The following SNX24 variants were observed in gnomAD, a reference collection of about 807,000 sequenced individuals.
SNX24 encodes sorting nexin-24.
In SNX24, 22 loss-of-function variants were observed where a neutral mutation model predicts 28.7. That is an observed-to-expected ratio of 0.77 (90% confidence interval 0.55 to 1.10). The LOEUF (loss-of-function observed/expected upper bound fraction) is 1.10, where lower values mean the gene tolerates loss of function less well. Among genes scored for constraint, SNX24 ranks in the 50% least tolerant of loss-of-function variants. The pLI, the probability that SNX24 is intolerant of heterozygous loss-of-function variation, is 0.00. For synonymous variants in SNX24, 69 were observed against 71.5 expected, an observed-to-expected ratio of 0.96 and a Z score of 0.18; for missense variants, 221 against 201.1, an observed-to-expected ratio of 1.10 and a Z score of -0.60.
At chr5:122,915,464 A>G (rs1267383728) in intron 1 of SNX24, among the ~76,000 whole-genome samples, 1 of 152,022 alleles carries the variant, frequency 6.6e-6, no homozygotes, top group Non-Finnish European at 1.5e-5. Context: ...CATCTCTACA[A>G]AAGAGCAAAT....
At chr5:122,959,671 G>GTT (rs1185949626) in intron 3 of SNX24, among the ~76,000 whole-genome samples, 4 of 148,484 alleles carry the variant, frequency 2.7e-5, no homozygotes, top group Admixed American at 6.7e-5. Flanking sequence ...TTGTTTTTGG[G>GTT]TTTTTTTTTT....
intron 1 of SNX24, among the ~76,000 whole-genome samples, chr5:122,901,170 C>T (rs1368430210): frequency 2.0e-5 from 3 of 146,474 alleles, no homozygotes; most frequent in African/African-American, 7.6e-5. Context: ...TATTGCACTC[C>T]AGCCTGGGTG....
At chr5:122,975,524 G>A (rs554518650) in intron 3 of SNX24, among the ~76,000 whole-genome samples, 144 of 151,810 alleles carry the variant, frequency 9.5e-4, no homozygotes, top group African/African-American at 3.4e-3. Context: ...GAAATTAAGC[G>A]GCATAAAAAT....
chr5:122,977,265 G>T (rs1761202250), intron 3 of SNX24, among the ~76,000 whole-genome samples: 1 of 152,096 alleles, frequency 6.6e-6, no homozygotes, highest in South Asian at 2.1e-4. Context: ...CATCGGAACA[G>T]GGGACCCATA....
chr5:122,960,891 G>A (rs1435852017), intron 3 of SNX24, among the ~76,000 whole-genome samples: 2 of 152,286 alleles, frequency 1.3e-5, no homozygotes, highest in African/African-American at 4.8e-5. Context: ...GTTTAGAACA[G>A]TATCTAATTA....
chr5:123,003,526 C>G (rs1168117191), intron 6 of SNX24, among the ~76,000 whole-genome samples: 2 of 152,092 alleles, frequency 1.3e-5, no homozygotes, highest in African/African-American at 4.8e-5. Context: ...ATTGTTTATG[C>G]TCAGATATGT....
chr5:122,974,318 G>A (rs899174928), intron 3 of SNX24, among the ~76,000 whole-genome samples: 2 of 152,182 alleles, frequency 1.3e-5, no homozygotes, highest in Non-Finnish European at 2.9e-5. Flanking sequence ...ATAGGATCCA[G>A]TCAGCATAAT....
intron 1 of SNX24, among the ~76,000 whole-genome samples, chr5:122,910,644 G>C (rs1270844376): frequency 9.1e-6 from 1 of 110,382 alleles, no homozygotes; most frequent in Admixed American, 1.4e-4. Flanking sequence ...ACAGTCCCCA[G>C]AGTGTGATGT....
At chr5:122,921,326 G>A (rs1355207865) in intron 1 of SNX24, among the ~76,000 whole-genome samples, 1 of 152,174 alleles carries the variant, frequency 6.6e-6, no homozygotes, top group African/African-American at 2.4e-5. Flanking sequence ...CAAAGCCACG[G>A]TGAGGGATAG....
intron 1 of SNX24, among the ~76,000 whole-genome samples, chr5:122,925,898 C>T (rs957506937): frequency 5.9e-5 from 9 of 152,092 alleles, no homozygotes; most frequent in East Asian, 1.9e-4. Context: ...TGAACAAAAC[C>T]GATGAAGTTC....
chr5:122,949,298 A>G (rs941625848), intron 3 of SNX24, among the ~76,000 whole-genome samples: 3 of 152,196 alleles, frequency 2.0e-5, no homozygotes, highest in Non-Finnish European at 2.9e-5. Context: ...TAAACATATC[A>G]TATTAGTCTT....
At chr5:122,865,978 CAT>C (rs1755701834) in intron 1 of SNX24, among the ~76,000 whole-genome samples, 2 of 151,986 alleles carry the variant, frequency 1.3e-5, no homozygotes, top group African/African-American at 2.4e-5. Context: ...AATATTATGA[CAT>C]AAAGTCAATA....
At chr5:122,954,643 T>C (rs1312543365) in intron 3 of SNX24, among the ~76,000 whole-genome samples, 5 of 152,134 alleles carry the variant, frequency 3.3e-5, no homozygotes, top group Non-Finnish European at 7.4e-5. Context: ...ACGCTAGATA[T>C]AGGAATCTGG....
intron 3 of SNX24, among the ~76,000 whole-genome samples, chr5:122,983,745 C>A (rs1405870402): frequency 1.3e-5 from 2 of 150,482 alleles, no homozygotes; most frequent in South Asian, 4.2e-4. Flanking sequence ...GTGGGGACTA[C>A]AGGCGTGTGC....
rs759953386 is a variant in SNX24, at chr5:123,007,685, T to G, written c.446T>G (p.Phe149Cys). The change falls in exon 7 of 7, where the codon TTT becomes TGT. Residue 149 changes from phenylalanine (F) to cysteine (C), a missense_variant. Coordinates refer to ENST00000261369, the MANE Select transcript of SNX24 (RefSeq NM_014035.4). ...TTTTTTTTTTTCTTTTTTTCAGATTTTCCAAATGTGGTTATTGAAGGAGTC... is the reference window on the plus strand; with the variant it reads ...TTTTTTTTTTTCTTTTTTTCAGATTGTCCAAATGTGGTTATTGAAGGAGTC... ...DPYVLPAASD[F>C]PNVVIEGVLH... 6.3e-7 allele frequency: 1 copy of G among 1,585,064 alleles called. No individual in the cohort carries two copies. The highest frequency in any genetic ancestry group is 1.4e-5 in the African/African-American group (1 of 72,750).
At chr5:122,958,771 G>A (rs1760331869) in intron 3 of SNX24, among the ~76,000 whole-genome samples, 1 of 151,608 alleles carries the variant, frequency 6.6e-6, no homozygotes, top group Non-Finnish European at 1.5e-5. Flanking sequence ...TGTTGCCCAG[G>A]CTGGTCTCAG....
Position 122,953,061 on chromosome 5 carries a change from T to TCTTTCTTCCTTTCTTTCTTC in SNX24, c.249+6917_249+6918insTCTTCCTTTCTTCCTTTCTT, listed in dbSNP as rs1554075537. On this transcript the variant is annotated intron_variant, in intron 3 of 6. Coordinates refer to ENST00000261369, the MANE Select transcript of SNX24 (RefSeq NM_014035.4). ...ACACAATATAAGCGATTTCTTTCTT[T>TCTTTCTTCCTTTCTTTCTTC]CTTTCTTCCTTTCTTCCTTTTTTCC... 2.6e-5 allele frequency among the ~76,000 whole-genome samples: 4 copies of TCTTTCTTCCTTTCTTTCTTC among 151,934 alleles called. No homozygotes were observed. In the South Asian group the frequency reaches 6.2e-4, roughly 24 times the overall value.
intron 3 of SNX24, among the ~76,000 whole-genome samples, chr5:122,957,661 G>A (rs1760271332): frequency 1.3e-5 from 2 of 152,074 alleles, no homozygotes. Flanking sequence ...CATGAACATG[G>A]GATATCTTTA....
chr5:122,861,636 A>G (rs1755467118), intron 1 of SNX24, among the ~76,000 whole-genome samples: 1 of 152,010 alleles, frequency 6.6e-6, no homozygotes, highest in Admixed American at 6.6e-5. Context: ...ATCCCATGTA[A>G]TTTGCTGGTT....
Sources: allele counts gnomAD v4.1 joint callset (sites outside exome capture counted in the v4.1 genomes callset), GRCh38; gene constraint gnomAD v4.1.1; transcripts MANE v1.5; gene names NCBI Gene and HGNC (gene_info 2026-07-23, HGNC 2026-07-21).